ZFHX3: variants seen among roughly 807,000 people sequenced by gnomAD.
ZFHX3 encodes zinc finger homeobox protein 3.
ZFHX3 carries 42 observed loss-of-function variants against 279.1 expected under a neutral mutation model. That is an observed-to-expected ratio of 0.15 (90% confidence interval 0.12 to 0.19). ZFHX3 has a LOEUF of 0.19. Among genes scored for constraint, ZFHX3 ranks in the 10% least tolerant of loss-of-function variants. The pLI, the probability that ZFHX3 is intolerant of heterozygous loss-of-function variation, is 1.00. For missense variants in ZFHX3, 4,981 were observed against 4,754.0 expected, an observed-to-expected ratio of 1.05 and a Z score of -1.40; for synonymous variants, 2,293 against 1,957.8, an observed-to-expected ratio of 1.17 and a Z score of -4.52.
intron 5 of ZFHX3, among the ~76,000 whole-genome samples, chr16:73,204,193 G>A (rs999853224): frequency 4.6e-5 from 7 of 151,982 alleles, no homozygotes; most frequent in South Asian, 4.2e-4. Flanking sequence ...ACTATGGGTC[G>A]GGGGTAGGGG....
At chr16:73,129,475 A>T (rs1403362424) in intron 7 of ZFHX3, among the ~76,000 whole-genome samples, 2 of 151,402 alleles carry the variant, frequency 1.3e-5, no homozygotes, top group African/African-American at 4.9e-5. Flanking sequence ...ACCATTTCAC[A>T]ATTTTGAGGT....
In ZFHX3 at chr16:73,029,818, T is replaced by C. The variant is rs118020620; in HGVS notation, c.-50+17934A>G. ...CCTGGGAAGTGGCAGAGGGGAGACA[T>C]TGGCAAAAATTACAATGGACAAAAA... On this transcript the variant is annotated intron_variant, in intron 1 of 9. Transcript: ENST00000268489. Among the ~76,000 whole-genome samples, 168 of 152,284 alleles carry C rather than the reference T, an allele frequency of 1.1e-3. 1 individual carries two copies. Among genetic ancestry groups the C allele is most frequent in the Non-Finnish European group, 1.7e-3 (116 of 68,020 alleles).
intron 3 of ZFHX3, among the ~76,000 whole-genome samples, chr16:73,325,928 A>AAACACACACACACACACACACACACAAAC (rs368062772): frequency 1.4e-5 from 2 of 145,492 alleles, no homozygotes; most frequent in African/African-American, 5.0e-5. Context: ...CACACACACA[A>AAACACACACACACACACACACACACAAAC]ACACACACAC....
chr16:72,861,848 C>G (rs1272858955), intron 4 of ZFHX3, among the ~76,000 whole-genome samples: 1 of 152,072 alleles, frequency 6.6e-6, no homozygotes, highest in Non-Finnish European at 1.5e-5. Flanking sequence ...AATCCCACCT[C>G]TACTAAAAAT....
Position 72,786,258 on chromosome 16 carries a change from C to G in ZFHX3, c.*906G>C, listed in dbSNP as rs1375391169. 2 of 148,290 alleles carry G rather than the reference C, an allele frequency of 1.3e-5. No individual in the cohort carries two copies. Among genetic ancestry groups the G allele is most frequent in the East Asian group, 3.9e-4 (2 of 5,120 alleles). 9.2% of individuals were successfully genotyped at this position (148,290 alleles called of 1,614,324 possible). On this transcript the variant is annotated 3_prime_UTR_variant, in exon 10 of 10. Transcript: ENST00000268489. Reference sequence around the variant, plus strand: ...CACAAAAGGTTTTTTTTTTTTTTTCCTTTTAAATCTACCATACTGCTTCAG... The same window carrying G: ...CACAAAAGGTTTTTTTTTTTTTTTCGTTTTAAATCTACCATACTGCTTCAG...
At chr16:72,885,731 T>C (rs1442118566) in intron 4 of ZFHX3, among the ~76,000 whole-genome samples, 1 of 152,156 alleles carries the variant, frequency 6.6e-6, no homozygotes, top group African/African-American at 2.4e-5. Context: ...TGTGTAATAT[T>C]CTGTGGCATG....
intron 1 of ZFHX3, among the ~76,000 whole-genome samples, chr16:73,778,828 G>C (rs1959351796): frequency 6.6e-6 from 1 of 152,180 alleles, no homozygotes; most frequent in Admixed American, 6.5e-5. Context: ...ATGACTAACA[G>C]TCTGTGCCTG....
intron 3 of ZFHX3, among the ~76,000 whole-genome samples, chr16:72,939,693 G>C (rs1960315075): frequency 1.3e-5 from 2 of 152,208 alleles, no homozygotes; most frequent in Admixed American, 6.5e-5. Flanking sequence ...TTCGAGACCA[G>C]CCTGGCCAAC....
chr16:72,992,982 GA>G (rs1173341654), intron 1 of ZFHX3, among the ~76,000 whole-genome samples: 4 of 152,136 alleles, frequency 2.6e-5, no homozygotes, highest in African/African-American at 9.7e-5. Context: ...ACTAAAAATA[GA>G]AAAATTAGCC....
intron 3 of ZFHX3, among the ~76,000 whole-genome samples, chr16:73,429,382 G>C (rs1044046228): frequency 1.3e-5 from 2 of 152,272 alleles, no homozygotes; most frequent in African/African-American, 4.8e-5. Context: ...GCCCAGGCTG[G>C]AGTGTAGTGG....
chr16:73,055,692 GCGCGCGCACACA>G (rs1391825562), intron 1 of ZFHX3, among the ~76,000 whole-genome samples: 1 of 95,196 alleles, frequency 1.1e-5, no homozygotes. Flanking sequence ...GCGCGCGCGC[GCGCGCGCACACA>G]CACACACACA....
At chr16:73,175,262 C>T (rs1046026176) in intron 5 of ZFHX3, among the ~76,000 whole-genome samples, 6 of 151,550 alleles carry the variant, frequency 4.0e-5, no homozygotes, top group African/African-American at 1.5e-4. Context: ...TGCCTGTAAT[C>T]CCAGCTACTT....
chr16:73,695,481 A>G (rs1048556159), intron 1 of ZFHX3, among the ~76,000 whole-genome samples: 4 of 152,192 alleles, frequency 2.6e-5, no homozygotes, highest in African/African-American at 9.6e-5. Flanking sequence ...TGAAGAAATC[A>G]AACTGCTTGC....
chr16:73,253,818 G>A (rs2013583760), intron 5 of ZFHX3, among the ~76,000 whole-genome samples: 1 of 152,092 alleles, frequency 6.6e-6, no homozygotes, highest in African/African-American at 2.4e-5. Flanking sequence ...GACACAGAGT[G>A]GATGTCACTC....
At chr16:72,892,566 G>A (rs1196931662) in intron 3 of ZFHX3, among the ~76,000 whole-genome samples, 5 of 150,754 alleles carry the variant, frequency 3.3e-5, no homozygotes, top group Admixed American at 6.6e-5. Flanking sequence ...GGAGTGCAAA[G>A]GCTTAATCTT....
At chr16:73,184,372 CAGG>C (rs1567412611) in intron 5 of ZFHX3, among the ~76,000 whole-genome samples, 1 of 152,184 alleles carries the variant, frequency 6.6e-6, no homozygotes, top group African/African-American at 2.4e-5. Flanking sequence ...TGTCAGTTTT[CAGG>C]AGAAGGCAGT....
Position 72,799,951 on chromosome 16 carries a change from T to G in ZFHX3, c.3967+76A>C. The G allele has an allele frequency of 3.6e-6, 5 of 1,378,628 alleles. No individual in the cohort carries two copies. The South Asian group carries it at 5.8e-5, about 16-fold the overall frequency. 85.4% of individuals were successfully genotyped at this position (1,378,628 alleles called of 1,614,324 possible). On this transcript the variant is annotated intron_variant, in intron 8 of 9. Coordinates refer to ENST00000268489, the MANE Select transcript of ZFHX3 (RefSeq NM_006885.4). ...CCTTAAGAGTATTGTAAAGAATTCC[T>G]GAAAACCTTTCTCCATGAACATTTT...
At chr16:73,169,279 G>C (rs935670867) in intron 5 of ZFHX3, among the ~76,000 whole-genome samples, 1 of 152,158 alleles carries the variant, frequency 6.6e-6, no homozygotes, top group Non-Finnish European at 1.5e-5. Flanking sequence ...AATAGACTAA[G>C]GGCATACTCT....
At chr16:73,576,551 A>G (rs941802711) in intron 2 of ZFHX3, among the ~76,000 whole-genome samples, 3 of 152,190 alleles carry the variant, frequency 2.0e-5, no homozygotes, top group Non-Finnish European at 4.4e-5. Context: ...GTCATCATAG[A>G]CACGCACGGA....
Sources: allele counts gnomAD v4.1 joint callset (sites outside exome capture counted in the v4.1 genomes callset), GRCh38; gene constraint gnomAD v4.1.1; transcripts MANE v1.5; gene names NCBI Gene and HGNC (gene_info 2026-07-23, HGNC 2026-07-21).